The following GRTP1 variants were observed in gnomAD, a reference collection of about 807,000 sequenced individuals.
GRTP1 encodes growth hormone-regulated TBC protein 1.
Under a neutral mutation model 38.1 loss-of-function variants are expected in GRTP1, and 56 were observed. The ratio of observed to expected loss-of-function variants is 1.47; its 90% CI spans 1.19 to 1.84. GRTP1 has a LOEUF of 1.84. Among genes scored for constraint, GRTP1 ranks in the 40% most tolerant of loss-of-function variants. GRTP1 has a pLI of 0.00. For missense variants in GRTP1, 506 were observed against 453.9 expected (o/e 1.11, Z -1.04); for synonymous variants, 217 against 189.5 (o/e 1.14, Z -1.19).
intron 5 of GRTP1, among the ~76,000 whole-genome samples, chr13:113,331,422 C>T (rs543820002): frequency 1.9e-3 from 295 of 152,138 alleles, no homozygotes; most frequent in African/African-American, 6.7e-3. Flanking sequence ...GCATGGGAGG[C>T]GGCCCAGGAG....
At chr13:113,330,907 G>A (rs12873763) in intron 5 of GRTP1, among the ~76,000 whole-genome samples, 27 of 834 alleles carry the variant, frequency 0.032, 11 homozygotes, top group South Asian at 0.1. Context: ...GTGTGCATGG[G>A]AGCCCGGGTG....
At chr13:113,327,821 C>A (rs749407582) in intron 5 of GRTP1, among the ~76,000 whole-genome samples, 3 of 152,180 alleles carry the variant, frequency 2.0e-5, no homozygotes, top group Non-Finnish European at 4.4e-5. Context: ...GGCCCCCAAC[C>A]CCACAGGTGG....
At chr13:113,358,673 T>C (rs2043440214) in intron 2 of GRTP1, among the ~76,000 whole-genome samples, 1 of 152,138 alleles carries the variant, frequency 6.6e-6, no homozygotes. Flanking sequence ...ACAGAACCAA[T>C]TGCTTTTTGA....
chr13:113,330,631 C>A (rs1443534773), intron 5 of GRTP1, among the ~76,000 whole-genome samples: 55 of 32,162 alleles, frequency 1.7e-3, no homozygotes, highest in East Asian at 3.9e-3. Flanking sequence ...TGCATGGGAG[C>A]CCAGGTGTGT....
intron 2 of GRTP1, among the ~76,000 whole-genome samples, chr13:113,361,210 TA>T (rs60140159): frequency 0.013 from 1,649 of 125,188 alleles, 15 homozygotes; most frequent in African/African-American, 0.025. Context: ...AGACCAATGC[TA>T]AAAAAAAAAA....
chr13:113,343,388 G>C lies in GRTP1; in HGVS notation c.562+1475C>G, dbSNP rs1304087330. 1.3e-5 allele frequency among the ~76,000 whole-genome samples: 2 copies of C among 152,164 alleles called. No individual in the cohort carries two copies. The highest frequency in any genetic ancestry group is 4.8e-5 in the African/African-American group (2 of 41,438). On this transcript the variant is annotated intron_variant, in intron 5 of 7. Coordinates refer to ENST00000375431, the MANE Select transcript of GRTP1 (RefSeq NM_024719.4). The surrounding 1 kb of genome is among the most constrained non-coding windows in gnomAD (Gnocchi z 4.8). ...GGGTCAACAGCTCTTCCCACTCCCGGGAGCTCTGTGGGGTTCCCTTCCTCT... is the reference window on the plus strand; with the variant it reads ...GGGTCAACAGCTCTTCCCACTCCCGCGAGCTCTGTGGGGTTCCCTTCCTCT...
chr13:113,347,529 G>C (rs1195933634), intron 4 of GRTP1, among the ~76,000 whole-genome samples: 5 of 81,416 alleles, frequency 6.1e-5, no homozygotes, highest in African/African-American at 9.5e-5. Context: ...CACCTCTGTG[G>C]CTGAGCGGAT....
intron 5 of GRTP1, among the ~76,000 whole-genome samples, chr13:113,333,782 C>T (rs894918677): frequency 6.6e-6 from 1 of 150,802 alleles, no homozygotes; most frequent in African/African-American, 2.5e-5. Context: ...AGAGCCACCA[C>T]GCCCATCTCA....
intron 3 of GRTP1, among the ~76,000 whole-genome samples, chr13:113,353,573 A>G (rs537945702): frequency 6.6e-6 from 1 of 152,276 alleles, no homozygotes; most frequent in East Asian, 1.9e-4. Flanking sequence ...AGACAAGCGT[A>G]CAGTGGGACT....
At chr13:113,331,068 A>ACCCAGGTGTGTGCACGGGAG (rs1228992864) in intron 5 of GRTP1, among the ~76,000 whole-genome samples, 1 of 143,548 alleles carries the variant, frequency 7.0e-6, no homozygotes, top group Non-Finnish European at 1.5e-5. Flanking sequence ...GTGGATGGAA[A>ACCCAGGTGTGTGCACGGGAG]CCCAGGTGTG....
At position 113,355,405 on chromosome 13, in the gene GRTP1, C is replaced by T. The variant is rs1246028846; in HGVS notation, c.258G>A (p.Ala86=). 5 of 1,614,126 alleles carry T rather than the reference C, an allele frequency of 3.1e-6. No homozygotes were observed. The highest frequency in any genetic ancestry group is 4.2e-6 in the Non-Finnish European group (5 of 1,180,002). Residue 86 remains alanine, a synonymous_variant, in exon 3 of 8, where the codon GCG becomes GCA. Transcript: ENST00000375431. The part of the protein sequence containing the change: ...RVWMVLSGAQ[A]QMDQNPGYYH... ...AGTAGCCGGGATTCTGGTCCATCTG[C>T]GCCTGGGCCCCACTCAGCACCATCC...
rs528289284 is a variant in GRTP1 at position 113,350,840 on chromosome 13, G to A, written c.465+9C>T. 64 of 1,560,088 alleles carry A rather than the reference G, an allele frequency of 4.1e-5. No individual in the cohort carries two copies. Among genetic ancestry groups the A allele is most frequent in the South Asian group, 1.7e-4 (14 of 84,550 alleles). On this transcript the variant is annotated intron_variant, in intron 4 of 7. Transcript: ENST00000375431. Reference sequence around the variant, plus strand: ...CCACCTCATGGCGTCAGAGGGTCCCGAGGCTCACCTGGCAGTAGCCCACTC... The same window carrying A: ...CCACCTCATGGCGTCAGAGGGTCCCAAGGCTCACCTGGCAGTAGCCCACTC...
intron 2 of GRTP1, among the ~76,000 whole-genome samples, chr13:113,362,219 A>G (rs2043511741): frequency 6.6e-6 from 1 of 151,958 alleles, no homozygotes; most frequent in Non-Finnish European, 1.5e-5. Context: ...AATCCCAGCT[A>G]CTCAGGAGGC....
Position 113,326,076 on chromosome 13 carries a change from G to A in GRTP1, c.578C>T (p.Ala193Val). Residue 193 changes from alanine (A) to valine (V), a missense_variant, in exon 6 of 8, where the codon GCC becomes GTC. Ala to Val is a moderately conservative substitution (Grantham distance 64). Coordinates refer to ENST00000375431, the MANE Select transcript of GRTP1 (RefSeq NM_024719.4). ...CTGGTCGGTCTTCAGGCCCAGCATG[G>A]CCGGGCTGTAGTAATCTGCCAGGCA... The part of the protein sequence containing the change: ...GRILPDYYSP[A>V]MLGLKTDQEV... The A allele has an allele frequency of 6.2e-7, 1 of 1,609,868 alleles. No homozygotes were observed.
chr13:113,347,413 A>AGCGGATC (rs2043169913), intron 4 of GRTP1, among the ~76,000 whole-genome samples: 1 of 90,932 alleles, frequency 1.1e-5, no homozygotes, highest in Non-Finnish European at 2.2e-5. Context: ...TCTGTGGCTG[A>AGCGGATC]CAGTGGACCC....
chr13:113,328,119 A>T (rs2042802132), intron 5 of GRTP1, among the ~76,000 whole-genome samples: 1 of 152,182 alleles, frequency 6.6e-6, no homozygotes, highest in African/African-American at 2.4e-5. Context: ...AGGCGCAGGC[A>T]CTGATGTTCC....
intron 5 of GRTP1, among the ~76,000 whole-genome samples, chr13:113,340,294 A>T (rs866744261): frequency 2.6e-5 from 4 of 151,358 alleles, no homozygotes; most frequent in Non-Finnish European, 5.9e-5. Flanking sequence ...TGGGCAACAT[A>T]GCAAGAACCT....
At position 113,349,897 on chromosome 13, in the gene GRTP1, G is replaced by A. The variant is rs1165806010; in HGVS notation, c.465+952C>T. ...CTGCTAGGTTCGAACCACCCATCGC[G>A]ACGATGTCCTTCCCTGTCCTCCTAG... On this transcript the variant is annotated intron_variant, in intron 4 of 7. Coordinates refer to ENST00000375431, the MANE Select transcript of GRTP1 (RefSeq NM_024719.4). The surrounding 1 kb of genome is among the most constrained non-coding windows in gnomAD (Gnocchi z 5.0). Among the ~76,000 whole-genome samples, 1 of 139,690 alleles carries A rather than the reference G, an allele frequency of 7.2e-6. No individual in the cohort carries two copies. The highest frequency in any genetic ancestry group is 2.7e-5 in the African/African-American group (1 of 37,042). The allele number at this position is 139,690 out of a possible 152,430, so 91.6% of individuals were successfully genotyped here.
chr13:113,327,583 G>A (rs1274105003), intron 5 of GRTP1, among the ~76,000 whole-genome samples: 1 of 151,216 alleles, frequency 6.6e-6, no homozygotes, highest in Non-Finnish European at 1.5e-5. Context: ...AGTGAAGTCG[G>A]TTTAATAGTA....
Sources: gnomAD v4.1 joint callset for allele counts (sites outside exome capture counted in the v4.1 genomes callset) on GRCh38, gnomAD v4.1.1 for gene constraint, Gnocchi (gnomAD v3.1) non-coding constraint, MANE v1.5 for transcripts, NCBI Gene and HGNC (gene_info 2026-07-23, HGNC 2026-07-21) for gene names.